KYNU: variants seen among roughly 807,000 people sequenced by gnomAD.
KYNU encodes the protein L-kynurenine hydrolase.
Under a neutral mutation model 59.2 loss-of-function variants are expected in KYNU, and 54 were observed. The observed-to-expected ratio is 0.91, with a 90% CI of 0.73 to 1.14. The LOEUF is 1.14. Among genes scored for constraint, KYNU ranks in the 50% most tolerant of loss-of-function variants. KYNU has a pLI of 0.00. For synonymous variants in KYNU, 177 were observed against 192.0 expected (o/e 0.92, Z 0.65); for missense variants, 567 against 554.4 (o/e 1.02, Z -0.23).
At chr2:142,881,313 A>C (rs1558897346) in intron 1 of KYNU, 1 of 152,244 alleles carries the variant, frequency 6.6e-6, no homozygotes, top group African/African-American at 2.4e-5. Context: ...AGTAAAAAAC[A>C]TGCAATGGTG....
intron 4 of KYNU, among the ~76,000 whole-genome samples, chr2:142,938,550 A>C (rs1426516640): frequency 6.6e-6 from 1 of 152,232 alleles, no homozygotes. Flanking sequence ...GGTGATTAGC[A>C]CTGGAGCAGG....
At chr2:142,899,105 G>A (rs2104941001) in intron 2 of KYNU, among the ~76,000 whole-genome samples, 1 of 152,276 alleles carries the variant, frequency 6.6e-6, no homozygotes, top group Middle Eastern at 3.4e-3. Context: ...GCAAACAGCG[G>A]TGGTGGACAG....
At chr2:143,012,375 C>T (rs971727807) in intron 10 of KYNU, among the ~76,000 whole-genome samples, 3 of 151,280 alleles carry the variant, frequency 2.0e-5, no homozygotes, top group Admixed American at 2.0e-4. Flanking sequence ...CCCAGCTACT[C>T]GGGAGGCTGA....
chr2:143,048,970 T>A lies in KYNU; in HGVS notation c.*6798T>A, dbSNP rs1687215457. ...TTAATGATCCGCATTTTTATTATGA[T>A]GTGTCTAGGCAGTTATTATTGTGTT... On this transcript the variant is annotated 3_prime_UTR_variant, in exon 14 of 14. Coordinates refer to ENST00000264170, the MANE Select transcript of KYNU (RefSeq NM_003937.3). 6.6e-6 allele frequency: 1 copy of A among 152,256 alleles called. No homozygotes were observed. Among genetic ancestry groups the A allele is most frequent in the South Asian group, 2.1e-4 (1 of 4,838 alleles). The allele number at this position is 152,256 out of a possible 1,614,324, so 9.4% of individuals were successfully genotyped here. A position where few individuals can be genotyped will look rare whatever the true frequency, so the allele number is the denominator to read the frequency against.
rs372543651 is a variant in KYNU, at chr2:142,885,361, A to T, written c.-7A>T. 48 of 1,613,628 alleles carry T rather than the reference A, an allele frequency of 3.0e-5. No individual in the cohort carries two copies. Among genetic ancestry groups the T allele is most frequent in the Non-Finnish European group, 4.0e-5 (47 of 1,179,780 alleles). On this transcript the variant is annotated 5_prime_UTR_variant, in exon 2 of 14. Transcript: ENST00000264170. ...TATTCTCTTTCAGTTTTAGAGAACA[A>T]CTTGTAATGGAGCCTTCATCTCTTG...
chr2:142,886,612 A>C (rs183662779), intron 2 of KYNU, among the ~76,000 whole-genome samples: 8 of 152,344 alleles, frequency 5.3e-5, no homozygotes, highest in Admixed American at 5.2e-4. Flanking sequence ...TCTAGAATCG[A>C]AAATTAAAAG....
intron 8 of KYNU, among the ~76,000 whole-genome samples, chr2:142,963,017 G>A (rs899903359): frequency 1.3e-5 from 2 of 152,126 alleles, no homozygotes; most frequent in Admixed American, 6.6e-5. Context: ...GCAAAAAAAC[G>A]TTTTCAGAAA....
At chr2:142,996,641 C>T (rs1685554114) in intron 10 of KYNU, among the ~76,000 whole-genome samples, 1 of 137,504 alleles carries the variant, frequency 7.3e-6, no homozygotes, top group Non-Finnish European at 1.5e-5. Context: ...CAGGCAGTAA[C>T]TGTGGGTAGC....
intron 2 of KYNU, among the ~76,000 whole-genome samples, chr2:142,906,076 G>C (rs1448927340): frequency 2.1e-5 from 3 of 141,734 alleles, no homozygotes; most frequent in Non-Finnish European, 3.1e-5. Flanking sequence ...TCTCCTCTCT[G>C]TCTCTCTCTC....
At chr2:143,012,992 T>A (rs184770548) in intron 10 of KYNU, among the ~76,000 whole-genome samples, 1 of 152,302 alleles carries the variant, frequency 6.6e-6, no homozygotes, top group East Asian at 1.9e-4. Flanking sequence ...TTTTTTCTTA[T>A]TAATTTTTTA....
At chr2:142,888,574 A>G (rs1460704538) in intron 2 of KYNU, among the ~76,000 whole-genome samples, 2 of 152,112 alleles carry the variant, frequency 1.3e-5, no homozygotes, top group African/African-American at 2.4e-5. Context: ...CATGAGGTTC[A>G]CTAGAGATCT....
chr2:142,927,646 T>C lies in KYNU; in HGVS notation c.291-13T>C. ...AAAAGCTAAGATATGTTTATGTCCG[T>C]TTTCAATTTCAGAGCAGCCTATGGT... On this transcript the variant is annotated splice_polypyrimidine_tract_variant and intron_variant, in intron 3 of 13. Transcript: ENST00000264170. 1.2e-6 allele frequency: 2 copies of C among 1,605,548 alleles called. No homozygotes were observed. Among genetic ancestry groups the C allele is most frequent in the South Asian group, 1.1e-5 (1 of 90,858 alleles).
chr2:142,938,835 A>G (rs1163336394), intron 4 of KYNU, among the ~76,000 whole-genome samples: 2 of 152,104 alleles, frequency 1.3e-5, no homozygotes, highest in Non-Finnish European at 2.9e-5. Flanking sequence ...TAATAACTTT[A>G]TAGGGGGCCA....
intron 8 of KYNU, among the ~76,000 whole-genome samples, chr2:142,978,705 TAACTA>T (rs1684959133): frequency 6.6e-6 from 1 of 152,170 alleles, no homozygotes; most frequent in Non-Finnish European, 1.5e-5. Context: ...TTATGTACCT[TAACTA>T]TTTTATTATT....
rs558955252 is a variant in KYNU at position 142,935,849 on chromosome 2, G to A, written c.373+8108G>A. ...TTGATAAGCAGTGGAGGATACATACGGGCGTAAGGTGGCAGGATGGGTTTA... is the reference window on the plus strand; with the variant it reads ...TTGATAAGCAGTGGAGGATACATACAGGCGTAAGGTGGCAGGATGGGTTTA... On this transcript the variant is annotated intron_variant, in intron 4 of 13. Transcript: ENST00000264170. Among the ~76,000 whole-genome samples the A allele has an allele frequency of 3.9e-5, 6 of 152,218 alleles. No homozygotes were observed. The East Asian group carries it at 7.7e-4, about 20-fold the overall frequency.
At chr2:143,023,924 T>TA (rs1359500477) in intron 10 of KYNU, among the ~76,000 whole-genome samples, 1 of 151,670 alleles carries the variant, frequency 6.6e-6, no homozygotes, top group Admixed American at 6.6e-5. Context: ...AAGTAATAAA[T>TA]ATCAATAGGT....
intron 10 of KYNU, among the ~76,000 whole-genome samples, chr2:143,003,665 T>G (rs76084327): frequency 0.052 from 7,970 of 152,274 alleles, 558 homozygotes; most frequent in African/African-American, 0.16. Context: ...TAATTTTGCT[T>G]GTCTACAGAA....
intron 1 of KYNU, among the ~76,000 whole-genome samples, chr2:142,884,580 A>G (rs976899758): frequency 2.6e-5 from 4 of 152,128 alleles, no homozygotes; most frequent in Non-Finnish European, 5.9e-5. Flanking sequence ...CTAGATAATA[A>G]GAATGGAATG....
chr2:142,981,362 G>A (rs1685046995), intron 8 of KYNU, among the ~76,000 whole-genome samples: 1 of 152,018 alleles, frequency 6.6e-6, no homozygotes, highest in Non-Finnish European at 1.5e-5. Flanking sequence ...TGCTTTAATT[G>A]GAAATGTTGA....
Sources: gnomAD v4.1 joint callset for allele counts (sites outside exome capture counted in the v4.1 genomes callset) on GRCh38, gnomAD v4.1.1 for gene constraint, MANE v1.5 for transcripts, NCBI Gene and HGNC (gene_info 2026-07-23, HGNC 2026-07-21) for gene names.